PDS5B: variants seen among roughly 807,000 people sequenced by gnomAD.
PDS5B encodes sister chromatid cohesion protein PDS5 homolog B.
Under a neutral mutation model 184.1 loss-of-function variants are expected in PDS5B, and 51 were observed. The ratio of observed to expected loss-of-function variants is 0.28; its 90% CI spans 0.22 to 0.35. PDS5B has a LOEUF of 0.35. Ranked by LOEUF, PDS5B falls within the 10% of genes least tolerant of loss-of-function variation. The pLI, the probability that PDS5B is intolerant of heterozygous loss-of-function variation, is 1.00. For synonymous variants in PDS5B, 566 were observed against 569.2 expected (o/e 0.99, Z 0.08); for missense variants, 1,180 against 1,723.3 (o/e 0.68, Z 5.58).
chr13:32,719,789 C>T (rs1224021868), intron 19 of PDS5B, among the ~76,000 whole-genome samples: 4 of 150,762 alleles, frequency 2.7e-5, no homozygotes, highest in Non-Finnish European at 5.9e-5. Context: ...AAGACCCCCC[C>T]CCCTTTTTTT....
intron 19 of PDS5B, among the ~76,000 whole-genome samples, chr13:32,712,218 G>A (rs1952231587): frequency 6.6e-6 from 1 of 152,152 alleles, no homozygotes; most frequent in Non-Finnish European, 1.5e-5. Flanking sequence ...TCAAAAGGTG[G>A]ACATTTTAAA....
At chr13:32,707,847 T>C (rs1952075555) in intron 18 of PDS5B, among the ~76,000 whole-genome samples, 1 of 151,852 alleles carries the variant, frequency 6.6e-6, no homozygotes, top group Middle Eastern at 3.2e-3. Flanking sequence ...CATCATACTA[T>C]CCTACCGAGG....
At chr13:32,681,631 A>G (rs1951248763) in intron 10 of PDS5B, among the ~76,000 whole-genome samples, 2 of 142,648 alleles carry the variant, frequency 1.4e-5, no homozygotes, top group Admixed American at 1.4e-4. Context: ...GTCTCAAAAA[A>G]AAAAAGTGAG....
chr13:32,745,849 A>C (rs1440628612), intron 23 of PDS5B, 128 bp from the exon 24 acceptor site: 5 of 731,562 alleles, frequency 6.8e-6, no homozygotes, highest in Non-Finnish European at 1.1e-5. Context: ...TGGGGGACAC[A>C]AACATTCAGA....
At chr13:32,589,095 GT>G (rs1216085215) in intron 1 of PDS5B, among the ~76,000 whole-genome samples, 2 of 152,168 alleles carry the variant, frequency 1.3e-5, no homozygotes, top group Non-Finnish European at 2.9e-5. Context: ...ATACATTTGT[GT>G]TTCCTCTGTT....
At chr13:32,600,501 G>A (rs1038132023) in intron 1 of PDS5B, among the ~76,000 whole-genome samples, 1 of 152,216 alleles carries the variant, frequency 6.6e-6, no homozygotes, top group Non-Finnish European at 1.5e-5. Context: ...CACTTTGGAT[G>A]GCCAAAGTGG....
At chr13:32,614,414 T>C (rs61947055) in intron 1 of PDS5B, among the ~76,000 whole-genome samples, 57,319 of 151,634 alleles carry the variant, frequency 0.38, 11,233 homozygotes, top group Non-Finnish European at 0.44. Context: ...TCTCATGCCT[T>C]GGCCTCTAGA....
chr13:32,600,606 G>T (rs1304334208), intron 1 of PDS5B, among the ~76,000 whole-genome samples: 1 of 152,206 alleles, frequency 6.6e-6, no homozygotes, highest in East Asian at 1.9e-4. Flanking sequence ...CGGTGTGATG[G>T]CAGGCGCCTG....
Position 32,755,833 on chromosome 13 carries a change from C to A in PDS5B, c.2942-9C>A. 8.0e-5 allele frequency: 89 copies of A among 1,112,604 alleles called. No individual in the cohort carries two copies. The highest frequency in any genetic ancestry group is 1.0e-4 in the Non-Finnish European group (83 of 793,978). The allele number at this position is 1,112,604 out of a possible 1,614,324, so 68.9% of individuals were successfully genotyped here. ...TTTTTTTTGTTTGTTTGTTTGTTTT[C>A]TTTTTCAGAAAAATTATTGTCTCTT... On this transcript the variant is annotated splice_polypyrimidine_tract_variant and intron_variant, in intron 25 of 34. Coordinates refer to ENST00000315596, the MANE Select transcript of PDS5B (RefSeq NM_015032.4).
intron 19 of PDS5B, among the ~76,000 whole-genome samples, chr13:32,726,158 A>T (rs1001404126): frequency 1.3e-5 from 2 of 151,422 alleles, no homozygotes; most frequent in South Asian, 4.2e-4. Context: ...TTAAAAAAAA[A>T]AAAAAAAGCC....
At chr13:32,693,282 A>G (rs1456435689) in intron 13 of PDS5B, among the ~76,000 whole-genome samples, 1 of 151,974 alleles carries the variant, frequency 6.6e-6, no homozygotes, top group Non-Finnish European at 1.5e-5. Flanking sequence ...TCTAAGATGA[A>G]AATGTCCTAA....
At chr13:32,629,104 G>T (rs1177706789) in intron 1 of PDS5B, among the ~76,000 whole-genome samples, 1 of 152,186 alleles carries the variant, frequency 6.6e-6, no homozygotes, top group Non-Finnish European at 1.5e-5. Context: ...CTTGACAAGA[G>T]AAGTTGGGGG....
intron 24 of PDS5B, among the ~76,000 whole-genome samples, chr13:32,750,748 G>A (rs1953949850): frequency 6.6e-6 from 1 of 152,054 alleles, no homozygotes; most frequent in Admixed American, 6.6e-5. Flanking sequence ...CACCATGTTG[G>A]CCAGGCTGGT....
At chr13:32,611,017 T>G (rs942554207) in intron 1 of PDS5B, among the ~76,000 whole-genome samples, 2 of 152,056 alleles carry the variant, frequency 1.3e-5, no homozygotes, top group African/African-American at 4.8e-5. Flanking sequence ...TAAAGTAGTG[T>G]TAATCTTTAT....
chr13:32,614,599 A>G (rs987497744), intron 1 of PDS5B, among the ~76,000 whole-genome samples: 1 of 152,184 alleles, frequency 6.6e-6, no homozygotes, highest in African/African-American at 2.4e-5. Context: ...GGCCTGGTCC[A>G]CATTGGATTT....
intron 1 of PDS5B, among the ~76,000 whole-genome samples, chr13:32,612,687 C>T (rs943030761): frequency 2.0e-5 from 3 of 152,236 alleles, no homozygotes; most frequent in East Asian, 1.9e-4. Context: ...GCTGCTATTG[C>T]GGAAATGGGT....
chr13:32,596,702 G>T (rs1343516537), intron 1 of PDS5B, among the ~76,000 whole-genome samples: 1 of 152,028 alleles, frequency 6.6e-6, no homozygotes, highest in East Asian at 1.9e-4. Context: ...GTGTGGAAGG[G>T]TATCTCATTG....
intron 9 of PDS5B, among the ~76,000 whole-genome samples, chr13:32,676,509 A>G (rs1469566021): frequency 2.0e-5 from 3 of 152,160 alleles, no homozygotes; most frequent in Admixed American, 1.3e-4. Flanking sequence ...TGTGAGAGGT[A>G]TTCATCCCTG....
chr13:32,709,342 C>A (rs1396586271), intron 18 of PDS5B, among the ~76,000 whole-genome samples: 1 of 151,862 alleles, frequency 6.6e-6, no homozygotes, highest in Non-Finnish European at 1.5e-5. Flanking sequence ...GATTTTCTCC[C>A]AATAGCTATT....
Sources: allele counts gnomAD v4.1 joint callset (sites outside exome capture counted in the v4.1 genomes callset), GRCh38; gene constraint gnomAD v4.1.1; transcripts MANE v1.5; gene names NCBI Gene and HGNC (gene_info 2026-07-23, HGNC 2026-07-21).